Variants in MANBA observed in about 807,000 individuals in gnomAD.
MANBA encodes the protein beta-mannosidase.
A neutral mutation model predicts 111.1 loss-of-function variants in MANBA; 83 were observed. That is an observed-to-expected ratio of 0.75 (90% CI 0.63 to 0.90). MANBA has a LOEUF of 0.90. MANBA is among the 40% of genes least tolerant of loss of function. The pLI is 0.00. For missense variants in MANBA, 1,036 were observed against 1,069.0 expected, an observed-to-expected ratio of 0.97 and a Z score of 0.43; for synonymous variants, 370 against 378.7, an observed-to-expected ratio of 0.98 and a Z score of 0.27.
chr4:102,702,971 T>A (rs1470563516), intron 5 of MANBA, among the ~76,000 whole-genome samples: 1 of 152,244 alleles, frequency 6.6e-6, no homozygotes, highest in Admixed American at 6.5e-5. Flanking sequence ...TAAATTAGTT[T>A]GTTTTAATAA....
chr4:102,713,704 C>G (rs1347141829), intron 5 of MANBA, among the ~76,000 whole-genome samples: 1 of 152,062 alleles, frequency 6.6e-6, no homozygotes, highest in East Asian at 1.9e-4. Context: ...GAGTTCGAGA[C>G]TGGCCAATAT....
At chr4:102,700,469 C>A (rs1335648679) in intron 5 of MANBA, among the ~76,000 whole-genome samples, 2 of 152,024 alleles carry the variant, frequency 1.3e-5, no homozygotes, top group African/African-American at 2.4e-5. Flanking sequence ...AATTTTGGAT[C>A]TTTCCTGCTT....
chr4:102,701,029 G>C (rs1382370091), intron 5 of MANBA, among the ~76,000 whole-genome samples: 1 of 152,036 alleles, frequency 6.6e-6, no homozygotes, highest in Non-Finnish European at 1.5e-5. Context: ...CTTGCTTTAT[G>C]AATCTGGGTG....
intron 5 of MANBA, 41 bp downstream of exon 5, chr4:102,714,394 CAAG>C (rs766297446): frequency 6.4e-7 from 1 of 1,551,856 alleles, no homozygotes; most frequent in South Asian, 1.1e-5. Flanking sequence ...ATTTTTATAA[CAAG>C]AAGACTCAAA....
chr4:102,758,275 C>A (rs1470911857), intron 1 of MANBA, among the ~76,000 whole-genome samples: 2 of 152,022 alleles, frequency 1.3e-5, no homozygotes, highest in South Asian at 4.1e-4. Context: ...CACTCGATTT[C>A]AAGTACTTAG....
At chr4:102,650,178 G>A (rs1357564085) in intron 13 of MANBA, among the ~76,000 whole-genome samples, 3 of 152,122 alleles carry the variant, frequency 2.0e-5, no homozygotes, top group Non-Finnish European at 4.4e-5. Context: ...CATAAATCAG[G>A]TGTCCATATT....
At chr4:102,727,582 T>C (rs1161834263) in intron 1 of MANBA, 3 of 1,606,092 alleles carry the variant, frequency 1.9e-6, no homozygotes, top group African/African-American at 1.3e-5. Flanking sequence ...GAGCAATGGG[T>C]AATTGAAGCT....
rs748632619 is a variant in MANBA at position 102,690,698 on chromosome 4, A to T, written c.747T>A (p.Gly249=). Residue 249 remains glycine (G), a synonymous_variant, in exon 6 of 17, where the codon GGT becomes GGA. Transcript: ENST00000647097. ...FDVVSSKPVG[G]QVIVAIPKLQ... ...ACTTAGGGATGGCTACGATCACTTG[A>T]CCACCAACTGGCTTTGAGCTGACAA... 6.2e-7 allele frequency: 1 copy of T among 1,609,438 alleles called. No homozygotes were observed. The highest frequency in any genetic ancestry group is 1.1e-5 in the South Asian group (1 of 90,664).
At position 102,741,489 on chromosome 4, in the gene MANBA, CAT is replaced by C. The variant is rs542061237; in HGVS notation, c.178-14808_178-14807del. Reference sequence around the variant, plus strand: ...AATATGAAAAAGACACTTGGATACACATGTTTATAGCACCACAATTCGCAATT... The same window carrying C: ...AATATGAAAAAGACACTTGGATACACGTTTATAGCACCACAATTCGCAATT... On this transcript the variant is annotated intron_variant, in intron 1 of 16. Coordinates refer to ENST00000647097, the MANE Select transcript of MANBA (RefSeq NM_005908.4). Among the ~76,000 whole-genome samples the C allele has an allele frequency of 1.5e-3, 231 of 152,338 alleles. 1 individual carries two copies. Among genetic ancestry groups the C allele is most frequent in the African/African-American group, 4.8e-3 (199 of 41,588 alleles).
chr4:102,705,456 C>T (rs1244262014), intron 5 of MANBA, among the ~76,000 whole-genome samples: 2 of 152,196 alleles, frequency 1.3e-5, no homozygotes, highest in East Asian at 1.9e-4. Context: ...CCAGGCACTG[C>T]TGCTGGCTGC....
chr4:102,669,859 G>A (rs1005769455), intron 9 of MANBA, among the ~76,000 whole-genome samples: 1 of 151,856 alleles, frequency 6.6e-6, no homozygotes, highest in African/African-American at 2.4e-5. Context: ...GAGCGCCTGT[G>A]GTCCCAGCTA....
intron 1 of MANBA, among the ~76,000 whole-genome samples, chr4:102,755,990 A>T (rs1016542867): frequency 6.6e-6 from 1 of 152,188 alleles, no homozygotes; most frequent in African/African-American, 2.4e-5. Context: ...GCTGGAGAGG[A>T]TGTGGAGAAA....
intron 1 of MANBA, chr4:102,751,731 G>T: frequency 1.8e-6 from 1 of 540,990 alleles, no homozygotes. Context: ...AGGGGCAAAG[G>T]AATGGATCTT....
At chr4:102,718,800 C>G (rs1435670338) in intron 4 of MANBA, among the ~76,000 whole-genome samples, 7 of 152,096 alleles carry the variant, frequency 4.6e-5, no homozygotes, top group African/African-American at 1.4e-4. Flanking sequence ...TACAGCTGGG[C>G]CTCTGGGGAT....
At chr4:102,717,594 A>G (rs1324727527) in intron 4 of MANBA, among the ~76,000 whole-genome samples, 8 of 151,882 alleles carry the variant, frequency 5.3e-5, no homozygotes, top group Non-Finnish European at 1.0e-4. Flanking sequence ...GGGTTTTGTC[A>G]TGTTGTCCAA....
intron 1 of MANBA, chr4:102,729,592 C>G (rs1481689967): frequency 2.2e-6 from 2 of 914,832 alleles, no homozygotes; most frequent in Non-Finnish European, 3.7e-6. Flanking sequence ...TTGATGAGGA[C>G]AAATTCATTC....
chr4:102,697,298 C>G (rs1458075704), intron 5 of MANBA, among the ~76,000 whole-genome samples: 2 of 151,980 alleles, frequency 1.3e-5, no homozygotes, highest in Non-Finnish European at 1.5e-5. Context: ...CAAATGAATG[C>G]ATTAAAAAAT....
intron 12 of MANBA, among the ~76,000 whole-genome samples, chr4:102,655,669 G>A (rs547202048): frequency 2.8e-4 from 43 of 152,262 alleles, no homozygotes; most frequent in Non-Finnish European, 5.1e-4. Flanking sequence ...TCATAGACTT[G>A]AATGCAAGAG....
At chr4:102,691,106 T>A (rs1203530014) in intron 5 of MANBA, 1 of 152,274 alleles carries the variant, frequency 6.6e-6, no homozygotes, top group Non-Finnish European at 1.5e-5. Context: ...TACACATTTG[T>A]TCCTTTTTAA....
Sources: gnomAD v4.1 joint callset for allele counts (sites outside exome capture counted in the v4.1 genomes callset) on GRCh38, gnomAD v4.1.1 for gene constraint, MANE v1.5 for transcripts, NCBI Gene and HGNC (gene_info 2026-07-23, HGNC 2026-07-21) for gene names.